LRRTM4: variants seen among roughly 807,000 people sequenced by gnomAD.
The protein encoded by LRRTM4 is leucine rich repeat transmembrane neuronal 4.
In LRRTM4, 25 loss-of-function variants were observed where a neutral mutation model predicts 47.6. The ratio of observed to expected loss-of-function variants is 0.53; its 90% CI spans 0.38 to 0.73. The LOEUF is 0.73. Ranked by LOEUF, LRRTM4 falls within the 30% of genes least tolerant of loss-of-function variation. The pLI, the probability that LRRTM4 is intolerant of heterozygous loss-of-function variation, is 0.00. For synonymous variants in LRRTM4, 311 were observed against 269.5 expected (o/e 1.15, Z -1.51); for missense variants, 638 against 713.4 (o/e 0.89, Z 1.20).
chr2:76,830,310 A>G (rs746350556), intron 3 of LRRTM4, among the ~76,000 whole-genome samples: 1 of 151,886 alleles, frequency 6.6e-6, no homozygotes, highest in Non-Finnish European at 1.5e-5. Flanking sequence ...TTTATCCTTA[A>G]TAACTATATG....
intron 3 of LRRTM4, among the ~76,000 whole-genome samples, chr2:77,426,110 A>T (rs9973363): frequency 0.34 from 50,440 of 149,128 alleles, 8,585 homozygotes; most frequent in South Asian, 0.37. Context: ...AGAGTGAGAC[A>T]CCGTCAAAAA....
intron 3 of LRRTM4, among the ~76,000 whole-genome samples, chr2:76,801,940 CT>C (rs1675713678): frequency 1.3e-5 from 2 of 152,054 alleles, no homozygotes; most frequent in Admixed American, 1.3e-4. Context: ...GGTAAAGACT[CT>C]TGAGAAATTA....
chr2:76,987,133 G>A (rs993160777), intron 3 of LRRTM4, among the ~76,000 whole-genome samples: 2 of 151,642 alleles, frequency 1.3e-5, no homozygotes, highest in Admixed American at 6.6e-5. Context: ...CACATTTTTT[G>A]TAAATTCTGT....
At chr2:76,788,464 C>T (rs527784772) in intron 3 of LRRTM4, among the ~76,000 whole-genome samples, 9 of 152,272 alleles carry the variant, frequency 5.9e-5, no homozygotes, top group South Asian at 2.1e-4. Flanking sequence ...CACGTTTACT[C>T]GTACTAGGAA....
At chr2:77,097,319 A>G (rs1670837104) in intron 3 of LRRTM4, among the ~76,000 whole-genome samples, 1 of 151,970 alleles carries the variant, frequency 6.6e-6, no homozygotes, top group Non-Finnish European at 1.5e-5. Flanking sequence ...AAGTAATGTT[A>G]ATGAAATTAT....
rs1227488057 is a variant in LRRTM4 at position 77,069,024 on chromosome 2, C to A, written c.1552-320108G>T. Among the ~76,000 whole-genome samples, 6 of 152,172 alleles carry A rather than the reference C, an allele frequency of 3.9e-5. No individual in the cohort carries two copies. In the South Asian group the frequency reaches 1.2e-3, roughly 32 times the overall value. ...TATTTGGGCCCATCCCTTCGTTTCCCATAAGGTATACTTTTAGTTAGTTTG... is the reference window on the plus strand; with the variant it reads ...TATTTGGGCCCATCCCTTCGTTTCCAATAAGGTATACTTTTAGTTAGTTTG... On this transcript the variant is annotated intron_variant, in intron 3 of 3. Coordinates refer to ENST00000409884, the MANE Select transcript of LRRTM4 (RefSeq NM_001134745.3).
At chr2:76,826,830 T>C (rs766201195) in intron 3 of LRRTM4, among the ~76,000 whole-genome samples, 1 of 151,846 alleles carries the variant, frequency 6.6e-6, no homozygotes, top group African/African-American at 2.4e-5. Context: ...AGCCCATCTC[T>C]GGAATAAAAA....
At chr2:76,929,538 T>G (rs1295470235) in intron 3 of LRRTM4, among the ~76,000 whole-genome samples, 1 of 152,214 alleles carries the variant, frequency 6.6e-6, no homozygotes, top group Non-Finnish European at 1.5e-5. Context: ...TTTTTTTAAC[T>G]TCGGTTTTCT....
chr2:77,335,539 A>C (rs922484768), intron 3 of LRRTM4, among the ~76,000 whole-genome samples: 3 of 152,198 alleles, frequency 2.0e-5, no homozygotes, highest in Non-Finnish European at 4.4e-5. Context: ...TGTGTATCTT[A>C]CTATTTAAGC....
At chr2:77,030,298 G>T (rs1678608858) in intron 3 of LRRTM4, among the ~76,000 whole-genome samples, 1 of 152,122 alleles carries the variant, frequency 6.6e-6, no homozygotes, top group Non-Finnish European at 1.5e-5. Flanking sequence ...GCTGGGTGTG[G>T]TGGTATGTGC....
chr2:77,141,736 G>A (rs1054943373), intron 3 of LRRTM4, among the ~76,000 whole-genome samples: 1 of 152,042 alleles, frequency 6.6e-6, no homozygotes, highest in Admixed American at 6.6e-5. Context: ...TTTGTTACTG[G>A]CTCCCAATTT....
chr2:76,828,334 G>T (rs1671243411), intron 3 of LRRTM4, among the ~76,000 whole-genome samples: 1 of 151,838 alleles, frequency 6.6e-6, no homozygotes, highest in Admixed American at 6.6e-5. Flanking sequence ...ATTTGGGCCG[G>T]AATCCTATAT....
At chr2:77,421,229 C>T (rs894676292) in intron 3 of LRRTM4, among the ~76,000 whole-genome samples, 5 of 152,148 alleles carry the variant, frequency 3.3e-5, no homozygotes, top group African/African-American at 1.2e-4. Flanking sequence ...TGAGAACTAA[C>T]TGGTCATTTG....
At chr2:76,857,322 T>A in intron 3 of LRRTM4, among the ~76,000 whole-genome samples, 1 of 148,096 alleles carries the variant, frequency 6.8e-6, no homozygotes, top group African/African-American at 2.5e-5. Flanking sequence ...ATATATATAA[T>A]ATATATATCA....
intron 3 of LRRTM4, among the ~76,000 whole-genome samples, chr2:77,316,714 T>A (rs1677629594): frequency 6.6e-6 from 1 of 151,984 alleles, no homozygotes; most frequent in Admixed American, 6.6e-5. Flanking sequence ...CACCTACATT[T>A]TTTGGATATT....
At chr2:77,422,176 C>T (rs752248922) in intron 3 of LRRTM4, among the ~76,000 whole-genome samples, 2 of 152,130 alleles carry the variant, frequency 1.3e-5, no homozygotes, top group South Asian at 4.1e-4. Context: ...CTCATTGTTA[C>T]GCAATGCGTG....
intron 3 of LRRTM4, among the ~76,000 whole-genome samples, chr2:77,146,841 A>T (rs1004292285): frequency 2.0e-5 from 3 of 152,094 alleles, no homozygotes; most frequent in Non-Finnish European, 4.4e-5. Flanking sequence ...AGAATTAAGG[A>T]TCTCTTCTCT....
At chr2:76,887,809 G>A (rs993164191) in intron 3 of LRRTM4, among the ~76,000 whole-genome samples, 11 of 150,622 alleles carry the variant, frequency 7.3e-5, no homozygotes, top group African/African-American at 2.7e-4. Flanking sequence ...CTAGCCAATG[G>A]AATTTGACCT....
chr2:76,868,361 G>A (rs190922767), intron 3 of LRRTM4, among the ~76,000 whole-genome samples: 85 of 152,122 alleles, frequency 5.6e-4, no homozygotes, highest in African/African-American at 1.8e-3. Context: ...ATCTCTCTGC[G>A]GACATAAGTT....
Sources: allele counts gnomAD v4.1 joint callset (sites outside exome capture counted in the v4.1 genomes callset), GRCh38; gene constraint gnomAD v4.1.1; transcripts MANE v1.5; gene names NCBI Gene and HGNC (gene_info 2026-07-23, HGNC 2026-07-21).